Variants in METTL15 observed in about 807,000 individuals in gnomAD.
The protein encoded by METTL15 is methyltransferase 15, mitochondrial 12S rRNA N4-cytidine.
Under a neutral mutation model 38.3 loss-of-function variants are expected in METTL15, and 34 were observed. The ratio of observed to expected loss-of-function variants is 0.89; its 90% confidence interval spans 0.68 to 1.18. The LOEUF (loss-of-function observed/expected upper bound fraction) is 1.18, where lower values mean the gene tolerates loss of function less well. Among genes scored for constraint, METTL15 ranks in the 50% most tolerant of loss-of-function variants. METTL15 has a pLI of 0.00. For missense variants in METTL15, 438 were observed against 498.4 expected (o/e 0.88, Z 1.15); for synonymous variants, 162 against 170.9 (o/e 0.95, Z 0.41).
chr11:28,443,169 G>A (rs1851049031), intron 6 of METTL15, among the ~76,000 whole-genome samples: 1 of 152,178 alleles, frequency 6.6e-6, no homozygotes, highest in Admixed American at 6.6e-5. Flanking sequence ...ATTAAAAGAA[G>A]TACTGAAGTC....
chr11:28,203,606 A>G (rs1270507911), intron 3 of METTL15, among the ~76,000 whole-genome samples: 3 of 152,030 alleles, frequency 2.0e-5, no homozygotes, highest in African/African-American at 7.2e-5. Context: ...GCTTTGCCCC[A>G]ACTAGCGACC....
At chr11:28,405,353 G>A (rs913996656) in intron 5 of METTL15, among the ~76,000 whole-genome samples, 8 of 152,156 alleles carry the variant, frequency 5.3e-5, no homozygotes, top group Non-Finnish European at 1.0e-4. Context: ...TTCAAGACAT[G>A]CAGTGCTTGC....
chr11:28,316,873 A>G (rs562354262), intron 6 of METTL15, among the ~76,000 whole-genome samples: 23 of 152,174 alleles, frequency 1.5e-4, no homozygotes, highest in Admixed American at 7.2e-4. Flanking sequence ...GCCTTCCACC[A>G]TGATTGTGAA....
intron 6 of METTL15, among the ~76,000 whole-genome samples, chr11:28,427,168 C>T (rs1850872844): frequency 1.3e-5 from 2 of 152,164 alleles, no homozygotes; most frequent in Non-Finnish European, 2.9e-5. Context: ...GCCAGTTCTC[C>T]AAGCACCATT....
chr11:28,258,918 T>G (rs1257223346), intron 4 of METTL15, among the ~76,000 whole-genome samples: 1 of 152,008 alleles, frequency 6.6e-6, no homozygotes, highest in Non-Finnish European at 1.5e-5. Flanking sequence ...CCATTTTACT[T>G]TTATGTCTAT....
At chr11:28,257,645 C>A (rs911377445) in intron 4 of METTL15, among the ~76,000 whole-genome samples, 1 of 152,032 alleles carries the variant, frequency 6.6e-6, no homozygotes, top group African/African-American at 2.4e-5. Context: ...CTAATTCTTT[C>A]TTCTGCTTGA....
chr11:28,414,272 A>C (rs1490727677), intron 5 of METTL15, among the ~76,000 whole-genome samples: 1 of 152,132 alleles, frequency 6.6e-6, no homozygotes, highest in Non-Finnish European at 1.5e-5. Context: ...GGAAACATAC[A>C]GGGGAAGCAA....
At chr11:28,514,291 C>G (rs1026066012) in intron 6 of METTL15, among the ~76,000 whole-genome samples, 1 of 152,128 alleles carries the variant, frequency 6.6e-6, no homozygotes, top group Non-Finnish European at 1.5e-5. Flanking sequence ...ACTATTTTAT[C>G]TATGATTGGA....
intron 6 of METTL15, among the ~76,000 whole-genome samples, chr11:28,315,791 A>G (rs1857458656): frequency 3.3e-5 from 5 of 152,228 alleles, no homozygotes; most frequent in Admixed American, 2.6e-4. Context: ...CCATGGCTGA[A>G]AGAGGCCAAG....
At chr11:28,449,492 A>C (rs776532522) in intron 6 of METTL15, among the ~76,000 whole-genome samples, 2 of 152,206 alleles carry the variant, frequency 1.3e-5, no homozygotes, top group Non-Finnish European at 2.9e-5. Context: ...TCTGATTGAG[A>C]GTGGCAACAA....
intron 6 of METTL15, among the ~76,000 whole-genome samples, chr11:28,480,217 A>G (rs530129668): frequency 9.2e-5 from 14 of 152,306 alleles, no homozygotes; most frequent in Non-Finnish European, 1.5e-4. Flanking sequence ...TATATACTCA[A>G]CAAAGCAATA....
intron 4 of METTL15, among the ~76,000 whole-genome samples, chr11:28,266,162 G>A (rs1855408569): frequency 6.6e-6 from 1 of 152,008 alleles, no homozygotes; most frequent in Admixed American, 6.6e-5. Flanking sequence ...GATTCCTCAG[G>A]GATCTAGAAC....
At chr11:28,239,965 T>G (rs1043506162) in intron 4 of METTL15, among the ~76,000 whole-genome samples, 5 of 152,184 alleles carry the variant, frequency 3.3e-5, no homozygotes, top group African/African-American at 9.7e-5. Flanking sequence ...AGTAGGAGTA[T>G]TTTTCCCTTA....
At chr11:28,250,867 C>A (rs1184528212) in intron 4 of METTL15, among the ~76,000 whole-genome samples, 1 of 151,972 alleles carries the variant, frequency 6.6e-6, no homozygotes, top group East Asian at 1.9e-4. Context: ...TCAGGTCAAC[C>A]ACCTTGTCAA....
intron 5 of METTL15, among the ~76,000 whole-genome samples, chr11:28,411,809 C>A (rs1850726263): frequency 6.6e-6 from 1 of 152,006 alleles, no homozygotes; most frequent in Non-Finnish European, 1.5e-5. Context: ...AAGAAACCTT[C>A]TGAACTGGAA....
rs142816746 is a variant in METTL15 at position 28,472,420 on chromosome 11, A to T, written c.*424+48056A>T. 3.9e-3 allele frequency among the ~76,000 whole-genome samples: 588 copies of T among 152,290 alleles called. 6 individuals carry two copies. Among genetic ancestry groups the T allele is most frequent in the African/African-American group, 0.013 (549 of 41,568 alleles). On this transcript the variant is annotated intron_variant and NMD_transcript_variant, in intron 6 of 7. Coordinates refer to the METTL15 transcript ENST00000532947. Reference sequence around the variant, plus strand: ...ACCTTGGTGTTGGATTTCAAGGGGCATGCTGCATCAGGTATTCTACCTAAG... The same window carrying T: ...ACCTTGGTGTTGGATTTCAAGGGGCTTGCTGCATCAGGTATTCTACCTAAG...
intron 3 of METTL15, among the ~76,000 whole-genome samples, chr11:28,340,563 AC>A (rs879052790): frequency 6.6e-6 from 1 of 152,212 alleles, no homozygotes; most frequent in Non-Finnish European, 1.5e-5. Context: ...CAACAAACAT[AC>A]GAAAAAAACC....
chr11:28,211,262 A>T, intron 4 of METTL15, 64 bp downstream of exon 4: 1 of 1,485,562 alleles, frequency 6.7e-7, no homozygotes. Flanking sequence ...TTGGTTTACC[A>T]CCTTGGAATT....
At chr11:28,494,027 G>A (rs977702154) in intron 6 of METTL15, among the ~76,000 whole-genome samples, 3 of 152,204 alleles carry the variant, frequency 2.0e-5, no homozygotes, top group African/African-American at 7.2e-5. Flanking sequence ...AGAAGACCTG[G>A]TTTCTGCCAC....
Sources: gnomAD v4.1 joint callset for allele counts (sites outside exome capture counted in the v4.1 genomes callset) on GRCh38, gnomAD v4.1.1 for gene constraint, MANE v1.5 for transcripts, NCBI Gene and HGNC (gene_info 2026-07-23, HGNC 2026-07-21) for gene names.